CLRN1: variants seen among roughly 807,000 people sequenced by gnomAD.
CLRN1 encodes clarin-1.
In CLRN1, 15 loss-of-function variants were observed where a neutral mutation model predicts 18.7. That is an observed-to-expected ratio of 0.80 (90% CI 0.54 to 1.23). The LOEUF is 1.23. CLRN1 is among the 50% of genes most tolerant of loss of function. The probability of loss-of-function intolerance (pLI) is 0.00; values close to 1 mark genes in which losing one functional copy is unlikely to be tolerated. For missense variants in CLRN1, 311 were observed against 277.5 expected, an observed-to-expected ratio of 1.12 and a Z score of -0.86; for synonymous variants, 104 against 102.9, an observed-to-expected ratio of 1.01 and a Z score of -0.07.
chr3:150,958,609 C>G (rs571184229), intron 1 of CLRN1, among the ~76,000 whole-genome samples: 1 of 152,228 alleles, frequency 6.6e-6, no homozygotes, highest in African/African-American at 2.4e-5. Context: ...TTATGCTGTT[C>G]ATTTACTTGG....
chr3:150,972,383 AAATAT>A, intron 1 of CLRN1, 68 bp downstream of exon 1: 7 of 1,607,844 alleles, frequency 4.4e-6, no homozygotes, highest in Non-Finnish European at 6.0e-6. Flanking sequence ...CAAAATTCTC[AAATAT>A]AATTCCTCGC....
At chr3:150,958,005 C>A (rs1454585787) in intron 1 of CLRN1, among the ~76,000 whole-genome samples, 1 of 152,172 alleles carries the variant, frequency 6.6e-6, no homozygotes, top group Non-Finnish European at 1.5e-5. Flanking sequence ...GAAATCTCAT[C>A]TTCAGTTATG....
intron 1 of CLRN1, among the ~76,000 whole-genome samples, chr3:150,946,326 C>G (rs1576634917): frequency 6.6e-6 from 1 of 152,304 alleles, no homozygotes; most frequent in Middle Eastern, 3.4e-3. Context: ...AAGATTTATA[C>G]TTAGTGAGTG....
intron 2 of CLRN1, among the ~76,000 whole-genome samples, chr3:150,935,110 G>T (rs1713385136): frequency 6.7e-6 from 1 of 149,892 alleles, no homozygotes; most frequent in Non-Finnish European, 1.5e-5. Flanking sequence ...TTCAGGAATT[G>T]GTCCTACATC....
chr3:150,928,026 C>T lies in CLRN1; in HGVS notation c.609G>A (p.Gly203=), dbSNP rs779039516. The T allele has an allele frequency of 7.4e-6, 12 of 1,614,118 alleles. No homozygotes were observed. The South Asian group carries it at 1.3e-4, about 18-fold the overall frequency. ...FFCFFVHFLN[G]LLIRLAGFQF... is the part of the protein sequence containing the mutation. ...GAAATCCAGCAAGTCGTATTAGGAG[C>T]CCATTCAGAAAATGAACAAAAAAGC... The change falls in exon 3 of 3, where the codon GGG becomes GGA. Residue 203 remains glycine, a synonymous_variant. Transcript: ENST00000327047.
In CLRN1 at chr3:150,926,771, G is replaced by C. The variant is rs769315815; in HGVS notation, c.*1165C>G. On this transcript the variant is annotated 3_prime_UTR_variant, in exon 3 of 3. Coordinates refer to ENST00000327047, the MANE Select transcript of CLRN1 (RefSeq NM_174878.3). ...CCTGTGGTCAGAGGCCTAGTGATCT[G>C]TTTGCTGTCATTCTCTGCTTTTTCC... 4.6e-5 allele frequency: 74 copies of C among 1,613,080 alleles called. 1 individual carries two copies. Among genetic ancestry groups the C allele is most frequent in the Non-Finnish European group, 1.4e-5 (17 of 1,179,604 alleles).
At chr3:150,970,160 C>T (rs1199890299) in intron 1 of CLRN1, among the ~76,000 whole-genome samples, 1 of 152,108 alleles carries the variant, frequency 6.6e-6, no homozygotes, top group Non-Finnish European at 1.5e-5. Flanking sequence ...TCCAAGGAAG[C>T]CACTACTGAG....
chr3:150,941,783 G>A, intron 1 of CLRN1, 22 bp from the exon 2 acceptor site: 1 of 1,610,410 alleles, frequency 6.2e-7, no homozygotes, highest in East Asian at 2.2e-5. Flanking sequence ...ACAAAACTAG[G>A]GTTAGAAGAA....
At chr3:150,970,955 C>T (rs1321296661) in intron 1 of CLRN1, among the ~76,000 whole-genome samples, 2 of 152,144 alleles carry the variant, frequency 1.3e-5, no homozygotes, top group African/African-American at 2.4e-5. Flanking sequence ...CAGAAAACAT[C>T]TTATTATTGT....
In CLRN1 at chr3:150,926,812, G is replaced by A. The variant is rs1712817205; in HGVS notation, c.*1124C>T. 1 of 1,613,946 alleles carries A rather than the reference G, an allele frequency of 6.2e-7. No individual in the cohort carries two copies. The highest frequency in any genetic ancestry group is 1.3e-5 in the African/African-American group (1 of 74,882). ...TGCTTTTTCCTTGGTGCTTTCTGGA[G>A]GACAGCAGGTTGAGGATGAAGGAAG... is the stretch of plus-strand genomic sequence containing the variant. On this transcript the variant is annotated 3_prime_UTR_variant, in exon 3 of 3. Transcript: ENST00000327047.
In CLRN1 at chr3:150,972,616, C is replaced by A; in HGVS notation, c.93G>T (p.Pro31=). 2 of 1,614,228 alleles carry A rather than the reference C, an allele frequency of 1.2e-6. No individual in the cohort carries two copies. The highest frequency in any genetic ancestry group is 2.2e-5 in the South Asian group (2 of 91,082). The change falls in exon 1 of 3, where the codon CCG becomes CCT. Residue 31 remains proline (P), a synonymous_variant. Coordinates refer to ENST00000327047, the MANE Select transcript of CLRN1 (RefSeq NM_174878.3). ...AGAGGACAGTGGCTTTGATCCACAACGGTGTCCCCAAGGCTGTCACAACTC... is the reference window on the plus strand; with the variant it reads ...AGAGGACAGTGGCTTTGATCCACAAAGGTGTCCCCAAGGCTGTCACAACTC... ...ALGVVTALGT[P]LWIKATVLCK... is the part of the protein sequence containing the mutation.
At position 150,928,102 on chromosome 3, in the gene CLRN1, T is replaced by C. The variant is rs764065001; in HGVS notation, c.533A>G (p.Tyr178Cys). The part of the protein sequence containing the change: ...IANYKEGTYV[Y>C]KTQSEKYTTS... ...GGTATATTTTTCACTTTGCGTTTTG[T>C]AGACATAAGTCCCTTCTTTATAATT... is the stretch of plus-strand genomic sequence containing the variant. The change falls in exon 3 of 3, where the codon TAC becomes TGC. Residue 178 changes from tyrosine to cysteine, a missense_variant. Coordinates refer to ENST00000327047, the MANE Select transcript of CLRN1 (RefSeq NM_174878.3). 6.2e-7 allele frequency: 1 copy of C among 1,613,636 alleles called. No individual in the cohort carries two copies. The highest frequency in any genetic ancestry group is 8.5e-7 in the Non-Finnish European group (1 of 1,179,898).
At chr3:150,935,638 A>G (rs531151245) in intron 2 of CLRN1, among the ~76,000 whole-genome samples, 1 of 151,212 alleles carries the variant, frequency 6.6e-6, no homozygotes, top group South Asian at 2.1e-4. Context: ...AGCATGATTT[A>G]TAGTCCTTTG....
chr3:150,968,879 C>CT (rs1715388580), intron 1 of CLRN1, among the ~76,000 whole-genome samples: 1 of 152,140 alleles, frequency 6.6e-6, no homozygotes, highest in African/African-American at 2.4e-5. Flanking sequence ...GCATATATTC[C>CT]TGGCTGGTGT....
At chr3:150,926,377 C>T (rs539591475), downstream of CLRN1, 6 of 258,562 alleles carry the variant, frequency 2.3e-5, no homozygotes, top group East Asian at 1.9e-4. Context: ...CAACTCCTCA[C>T]GCAGGAGACG....
intron 1 of CLRN1, among the ~76,000 whole-genome samples, chr3:150,955,828 AC>A (rs2107973517): frequency 6.6e-6 from 1 of 152,152 alleles, no homozygotes; most frequent in South Asian, 2.1e-4. Context: ...TCTATGGGGG[AC>A]CTTTTTTTAT....
intron 1 of CLRN1, among the ~76,000 whole-genome samples, chr3:150,947,714 G>A (rs571345164): frequency 2.6e-5 from 4 of 152,076 alleles, no homozygotes; most frequent in East Asian, 3.9e-4. Context: ...CTCAGACCAC[G>A]GTACAATAAA....
At chr3:150,932,105 G>T (rs1332690851) in intron 2 of CLRN1, among the ~76,000 whole-genome samples, 1 of 152,000 alleles carries the variant, frequency 6.6e-6, no homozygotes, top group Non-Finnish European at 1.5e-5. Context: ...GACTGAATAG[G>T]ATAGCTGAGT....
intron 2 of CLRN1, among the ~76,000 whole-genome samples, chr3:150,935,296 C>A (rs1418212274): frequency 9.6e-6 from 1 of 104,392 alleles, no homozygotes; most frequent in African/African-American, 3.2e-5. Context: ...CCTCCCCCCT[C>A]TTCCCACCCC....
Sources: gnomAD v4.1 joint callset for allele counts (sites outside exome capture counted in the v4.1 genomes callset) on GRCh38, gnomAD v4.1.1 for gene constraint, MANE v1.5 for transcripts, NCBI Gene and HGNC (gene_info 2026-07-23, HGNC 2026-07-21) for gene names.